Variants in COL22A1 observed in about 807,000 individuals in gnomAD.
COL22A1 encodes the protein collagen type XXII alpha 1 chain, also known as collagen alpha-1(XXII) chain.
COL22A1 carries 221 observed loss-of-function variants against 248.9 expected under a neutral mutation model. That is an observed-to-expected ratio of 0.89 (90% CI 0.80 to 0.99). The LOEUF (loss-of-function observed/expected upper bound fraction) is 0.99. COL22A1 is among the 50% of genes least tolerant of loss of function. The pLI is 0.00. For synonymous variants in COL22A1, 891 were observed against 793.4 expected (o/e 1.12, Z -2.07); for missense variants, 2,240 against 2,179.0 (o/e 1.03, Z -0.56).
At chr8:138,892,721 A>G (rs1563895645) in intron 1 of COL22A1, among the ~76,000 whole-genome samples, 1 of 152,228 alleles carries the variant, frequency 6.6e-6, no homozygotes, top group African/African-American at 2.4e-5. Flanking sequence ...ATTCCCATTC[A>G]GGGACCCAGA....
At chr8:138,791,400 G>A (rs1002385826) in intron 12 of COL22A1, among the ~76,000 whole-genome samples, 7 of 152,128 alleles carry the variant, frequency 4.6e-5, no homozygotes, top group Admixed American at 1.3e-4. Context: ...CAAGCACACC[G>A]GACTCCATCT....
intron 43 of COL22A1, among the ~76,000 whole-genome samples, chr8:138,661,826 A>T (rs569963911): frequency 6.6e-6 from 1 of 152,302 alleles, no homozygotes; most frequent in South Asian, 2.1e-4. Flanking sequence ...AAACATAGGA[A>T]ATAAAACTGG....
chr8:138,737,480 A>T, intron 23 of COL22A1, 44 bp downstream of exon 23: 1 of 1,393,422 alleles, frequency 7.2e-7, no homozygotes, highest in Non-Finnish European at 1.0e-6. Context: ...ATTTAATCAG[A>T]GAAAAGCAGC....
chr8:138,766,101 T>G (rs1833891745), intron 16 of COL22A1, among the ~76,000 whole-genome samples: 1 of 152,192 alleles, frequency 6.6e-6, no homozygotes, highest in Non-Finnish European at 1.5e-5. Context: ...GGCATAGATG[T>G]GGACCTGACA....
chr8:138,624,716 G>A (rs1018330650), intron 51 of COL22A1, among the ~76,000 whole-genome samples: 2 of 152,114 alleles, frequency 1.3e-5, no homozygotes, highest in African/African-American at 4.8e-5. Flanking sequence ...ATCCCAGCAT[G>A]TCACTTCAGA....
intron 7 of COL22A1, among the ~76,000 whole-genome samples, chr8:138,818,079 AG>A (rs1290889301): frequency 6.6e-6 from 1 of 152,250 alleles, no homozygotes; most frequent in Non-Finnish European, 1.5e-5. Flanking sequence ...GTTTGGAACC[AG>A]GGTTAGAAGG....
At chr8:138,763,444 C>T (rs909090680) in intron 16 of COL22A1, among the ~76,000 whole-genome samples, 2 of 152,082 alleles carry the variant, frequency 1.3e-5, no homozygotes, top group Non-Finnish European at 2.9e-5. Flanking sequence ...AACCTTCCTG[C>T]TGAGGATAGG....
At chr8:138,842,015 A>G (rs532402895) in intron 4 of COL22A1, among the ~76,000 whole-genome samples, 2 of 152,320 alleles carry the variant, frequency 1.3e-5, no homozygotes, top group African/African-American at 4.8e-5. Context: ...CTGTTGAATC[A>G]GTTACCTAGA....
At chr8:138,838,692 G>T (rs184508800) in intron 4 of COL22A1, among the ~76,000 whole-genome samples, 1 of 141,662 alleles carries the variant, frequency 7.1e-6, no homozygotes, top group East Asian at 2.1e-4. Flanking sequence ...AAGATAAATT[G>T]CCCAAAATAA....
intron 1 of COL22A1, among the ~76,000 whole-genome samples, chr8:138,909,521 G>A (rs72731671): frequency 0.031 from 4,696 of 152,034 alleles, 101 homozygotes; most frequent in Middle Eastern, 0.072. Context: ...TTAGGATACA[G>A]TTTCAACCAA....
intron 6 of COL22A1, among the ~76,000 whole-genome samples, chr8:138,824,151 T>C (rs1786277393): frequency 6.6e-6 from 1 of 152,210 alleles, no homozygotes; most frequent in Admixed American, 6.5e-5. Context: ...ATAAAGCTAA[T>C]AATTGCATGA....
At chr8:138,674,588 G>A (rs1380085993) in intron 41 of COL22A1, among the ~76,000 whole-genome samples, 1 of 152,180 alleles carries the variant, frequency 6.6e-6, no homozygotes, top group Admixed American at 6.5e-5. Flanking sequence ...ACTTAGGCGG[G>A]AACATATTTC....
intron 6 of COL22A1, among the ~76,000 whole-genome samples, chr8:138,823,552 C>T (rs1003754267): frequency 5.3e-5 from 8 of 152,076 alleles, no homozygotes; most frequent in East Asian, 3.9e-4. Flanking sequence ...ACTACAGGTG[C>T]GCACCACCAT....
intron 1 of COL22A1, among the ~76,000 whole-genome samples, chr8:138,888,871 T>C (rs1424715653): frequency 1.3e-5 from 2 of 152,148 alleles, no homozygotes; most frequent in Non-Finnish European, 2.9e-5. Flanking sequence ...TCCTAGCATG[T>C]AGTGGTCACC....
intron 3 of COL22A1, among the ~76,000 whole-genome samples, chr8:138,872,530 C>T (rs1823417614): frequency 1.3e-5 from 2 of 152,210 alleles, no homozygotes; most frequent in Non-Finnish European, 2.9e-5. Context: ...CACAGGCTCA[C>T]TTACAGTGAC....
intron 27 of COL22A1, among the ~76,000 whole-genome samples, chr8:138,717,545 C>T (rs1385502805): frequency 6.6e-6 from 1 of 152,118 alleles, no homozygotes; most frequent in Admixed American, 6.5e-5. Context: ...CTCATTGCAG[C>T]CTTGAGCTCT....
At chr8:138,695,372 C>T (rs1288646393) in intron 32 of COL22A1, among the ~76,000 whole-genome samples, 1 of 152,084 alleles carries the variant, frequency 6.6e-6, no homozygotes, top group Non-Finnish European at 1.5e-5. Flanking sequence ...CTCTCTCTTT[C>T]TAGTAGAGAT....
In COL22A1 at chr8:138,844,162, A is replaced by C. The variant is rs771380092; in HGVS notation, c.659-4T>G. 17 of 1,614,094 alleles carry C rather than the reference A, an allele frequency of 1.1e-5. No homozygotes were observed. The highest frequency in any genetic ancestry group is 8.3e-5 in the Admixed American group (5 of 60,038). Reference sequence around the variant, plus strand: ...CGAACGCTAGGACAGAGCACATCTGAGGAAAGCAAGAGGAAACAGAGACTG... The same window carrying C: ...CGAACGCTAGGACAGAGCACATCTGCGGAAAGCAAGAGGAAACAGAGACTG... On this transcript the variant is annotated splice_polypyrimidine_tract_variant and splice_region_variant and intron_variant, in intron 3 of 64. Transcript: ENST00000303045.
intron 32 of COL22A1, among the ~76,000 whole-genome samples, chr8:138,697,686 T>C (rs538499729): frequency 6.6e-6 from 1 of 152,296 alleles, no homozygotes; most frequent in African/African-American, 2.4e-5. Flanking sequence ...ATTCTCTTCC[T>C]TCATTATGCG....
Sources: gnomAD v4.1 joint callset for allele counts (sites outside exome capture counted in the v4.1 genomes callset) on GRCh38, gnomAD v4.1.1 for gene constraint, MANE v1.5 for transcripts, NCBI Gene and HGNC (gene_info 2026-07-23, HGNC 2026-07-21) for gene names.